Variants in CHMP1B observed in about 807,000 individuals in gnomAD.
The protein encoded by CHMP1B is VPS46 homolog B.
In CHMP1B, 5 loss-of-function variants were observed where a neutral mutation model predicts 11.5. That is an observed-to-expected ratio of 0.43 (90% CI 0.23 to 0.91). The LOEUF (loss-of-function observed/expected upper bound fraction) is 0.91, where lower values mean the gene tolerates loss of function less well. CHMP1B is among the 40% of genes least tolerant of loss of function. The pLI is 0.25. For missense variants in CHMP1B, 246 were observed against 261.2 expected, an observed-to-expected ratio of 0.94 and a Z score of 0.40; for synonymous variants, 105 against 105.7, an observed-to-expected ratio of 0.99 and a Z score of 0.04.
Position 11,852,144 on chromosome 18 carries a change from A to G in CHMP1B, c.*33A>G, listed in dbSNP as rs376211902. The G allele has an allele frequency of 1.6e-4, 249 of 1,536,246 alleles. No individual in the cohort carries two copies. The African/African-American group carries it at 3.1e-3, about 19-fold the overall frequency. On this transcript the variant is annotated 3_prime_UTR_variant, in exon 1 of 1. Coordinates refer to ENST00000526991, the MANE Select transcript of CHMP1B (RefSeq NM_020412.5). Reference sequence around the variant, plus strand: ...ACCCGCTCTGAGGTTTCCTGGCCATAGCCACCCTTTGAAATGCTCTCTGTG... The same window carrying G: ...ACCCGCTCTGAGGTTTCCTGGCCATGGCCACCCTTTGAAATGCTCTCTGTG...
Position 11,852,999 on chromosome 18 carries a change from T to C in CHMP1B, c.*888T>C, listed in dbSNP as rs561285088. ...ATTATGCTAATTAGCATGGCAGTCA[T>C]GTTACACACTCTTAACATTGCCAAA... On this transcript the variant is annotated 3_prime_UTR_variant, in exon 1 of 1. Coordinates refer to ENST00000526991, the MANE Select transcript of CHMP1B (RefSeq NM_020412.5). The C allele has an allele frequency of 1.8e-5, 3 of 167,230 alleles. No individual in the cohort carries two copies. The South Asian group carries it at 6.2e-4, about 35-fold the overall frequency. 10.4% of individuals were successfully genotyped at this position (167,230 alleles called of 1,614,324 possible). A position where few individuals can be genotyped will look rare whatever the true frequency, so the allele number is the denominator to read the frequency against.
Position 11,852,206 on chromosome 18 carries a change from C to T in CHMP1B, c.*95C>T, listed in dbSNP as rs2035890963. 2.1e-5 allele frequency: 30 copies of T among 1,396,610 alleles called. No homozygotes were observed. The highest frequency in any genetic ancestry group is 2.7e-5 in the Non-Finnish European group (28 of 1,049,918). The allele number at this position is 1,396,610 out of a possible 1,614,324, so 86.5% of individuals were successfully genotyped here. ...TACTATACCCTAGAAACTCTGAACACGCCAGAATGCTGAAATGCCCTTCTA... is the reference window on the plus strand; with the variant it reads ...TACTATACCCTAGAAACTCTGAACATGCCAGAATGCTGAAATGCCCTTCTA... On this transcript the variant is annotated 3_prime_UTR_variant, in exon 1 of 1. Transcript: ENST00000526991.
rs764172318 is a variant in CHMP1B, at chr18:11,851,507, C to T, written c.-5C>T. ...GGGCCGCCGACCCAAAGGAGCCGTC[C>T]GACTATGTCTAACATGGAGAAACAC... On this transcript the variant is annotated 5_prime_UTR_variant, in exon 1 of 1. Transcript: ENST00000526991. 16 of 1,555,824 alleles carry T rather than the reference C, an allele frequency of 1.0e-5. No homozygotes were observed. The highest frequency in any genetic ancestry group is 1.4e-5 in the Non-Finnish European group (16 of 1,154,702).
chr18:11,853,300 T>C lies in CHMP1B; in HGVS notation c.*1189T>C, dbSNP rs2035925390. The stretch of plus-strand genomic sequence containing the variant: ...GGAAGGAAGGAGAAAGCTTGAGTCT[T>C]TAAGGCTAGAGCCCAGCTGTGCTGC... On this transcript the variant is annotated 3_prime_UTR_variant, in exon 1 of 1. Transcript: ENST00000526991. 1 of 167,120 alleles carries C rather than the reference T, an allele frequency of 6.0e-6. No homozygotes were observed. Among genetic ancestry groups the C allele is most frequent in the Non-Finnish European group, 1.5e-5 (1 of 68,120 alleles). The allele number at this position is 167,120 out of a possible 1,614,324, so 10.4% of individuals were successfully genotyped here.
In CHMP1B at chr18:11,851,874, G is replaced by GT; in HGVS notation, c.366dup (p.Glu123Ter). The GT allele has an allele frequency of 6.2e-7, 1 of 1,613,926 alleles. No individual in the cohort carries two copies. Among genetic ancestry groups the GT allele is most frequent in the Non-Finnish European group, 8.5e-7 (1 of 1,179,880 alleles). On this transcript the variant is annotated frameshift_variant, in exon 1 of 1. Coordinates refer to ENST00000526991, the MANE Select transcript of CHMP1B (RefSeq NM_020412.5). LOFTEE classifies it high-confidence loss of function. The stretch of plus-strand genomic sequence containing the variant: ...CTTTGATGGACAAATTCGAGCACCA[G>GT]TTTGAGACTCTGGACGTCCAGACGC...
chr18:11,851,439 C>T lies in CHMP1B; in HGVS notation c.-73C>T, dbSNP rs2035862143. ...AAAACAAAGGAGCGGCGGCCGGGAG[C>T]GGACTTACCTTACCTTCTCTGCCTT... On this transcript the variant is annotated 5_prime_UTR_variant, in exon 1 of 1. Transcript: ENST00000526991. 10 of 1,445,500 alleles carry T rather than the reference C, an allele frequency of 6.9e-6. No homozygotes were observed. Among genetic ancestry groups the T allele is most frequent in the Non-Finnish European group, 8.2e-6 (9 of 1,102,702 alleles). The allele number at this position is 1,445,500 out of a possible 1,614,324, so 89.5% of individuals were successfully genotyped here.
rs946143491 is a variant in CHMP1B, at chr18:11,854,367, A to G, written c.*2256A>G. 2 of 167,082 alleles carry G rather than the reference A, an allele frequency of 1.2e-5. No homozygotes were observed. The highest frequency in any genetic ancestry group is 2.9e-5 in the Non-Finnish European group (2 of 68,126). The allele number at this position is 167,082 out of a possible 1,614,324, so 10.3% of individuals were successfully genotyped here. A position where few individuals can be genotyped will look rare whatever the true frequency, so the allele number is the denominator to read the frequency against. ...TTTTCAAAAGCACTACAGGCCCATG[A>G]ATTACTTCCTCACTTTTGCAGTTGA... is the stretch of plus-strand genomic sequence containing the variant. On this transcript the variant is annotated 3_prime_UTR_variant, in exon 1 of 1. Coordinates refer to ENST00000526991, the MANE Select transcript of CHMP1B (RefSeq NM_020412.5).
Position 11,853,532 on chromosome 18 carries a change from A to G in CHMP1B, c.*1421A>G, listed in dbSNP as rs2035931583. On this transcript the variant is annotated 3_prime_UTR_variant, in exon 1 of 1. Transcript: ENST00000526991. ...CCATAAGAGAATTCCATTGTTTCAG[A>G]AAATAATTATAGGGGCCCTTCCAAG... The G allele has an allele frequency of 6.0e-6, 1 of 167,108 alleles. No homozygotes were observed. The highest frequency in any genetic ancestry group is 2.1e-4 in the South Asian group (1 of 4,836). 10.4% of individuals were successfully genotyped at this position (167,108 alleles called of 1,614,324 possible).
chr18:11,851,492 C>T lies in CHMP1B; in HGVS notation c.-20C>T, dbSNP rs747266981. ...GCGCGCTTCTCAGCCGGGCCGCCGA[C>T]CCAAAGGAGCCGTCCGACTATGTCT... On this transcript the variant is annotated 5_prime_UTR_variant, in exon 1 of 1. Transcript: ENST00000526991. 3.1e-5 allele frequency: 47 copies of T among 1,526,920 alleles called. No homozygotes were observed. The highest frequency in any genetic ancestry group is 3.8e-5 in the Non-Finnish European group (43 of 1,142,412). The allele number at this position is 1,526,920 out of a possible 1,614,324, so 94.6% of individuals were successfully genotyped here.
chr18:11,851,813 C>G lies in CHMP1B; in HGVS notation c.302C>G (p.Ala101Gly). Residue 101 changes from alanine (A) to glycine (G), a missense_variant, in exon 1 of 1, where the codon GCG becomes GGG. Ala to Gly is a moderately conservative substitution (Grantham distance 60). Coordinates refer to ENST00000526991, the MANE Select transcript of CHMP1B (RefSeq NM_020412.5). ...SMAGVVKSMD[A>G]TLKTMNLEKI... ...GCTGGTGTGGTTAAGTCGATGGATGCGACATTGAAGACCATGAATCTGGAG... is the reference window on the plus strand; with the variant it reads ...GCTGGTGTGGTTAAGTCGATGGATGGGACATTGAAGACCATGAATCTGGAG... The G allele has an allele frequency of 6.2e-7, 1 of 1,613,810 alleles. No homozygotes were observed. Among genetic ancestry groups the G allele is most frequent in the Non-Finnish European group, 8.5e-7 (1 of 1,179,886 alleles).
In CHMP1B at chr18:11,852,001, C is replaced by T. The variant is rs1289732853; in HGVS notation, c.490C>T (p.Leu164Phe). Residue 164 changes from leucine to phenylalanine, a missense_variant, in exon 1 of 1, where the codon CTC (leucine) becomes TTC (phenylalanine). Physicochemically the swap from Leu to Phe is conservative, Grantham distance 22. Coordinates refer to ENST00000526991, the MANE Select transcript of CHMP1B (RefSeq NM_020412.5). ...AATGGCAGATGAGGCGGGCCTCGAC[C>T]TCAACATGGAGCTGCCGCAGGGCCA... ...QEMADEAGLD[L>F]NMELPQGQTG... is the part of the protein sequence containing the mutation. The T allele has an allele frequency of 2.5e-6, 4 of 1,613,554 alleles. No individual in the cohort carries two copies. Among genetic ancestry groups the T allele is most frequent in the South Asian group, 1.1e-5 (1 of 91,084 alleles).
In CHMP1B at chr18:11,852,971, T is replaced by C. The variant is rs2035916049; in HGVS notation, c.*860T>C. The C allele has an allele frequency of 6.0e-6, 1 of 167,102 alleles. No individual in the cohort carries two copies. Among genetic ancestry groups the C allele is most frequent in the Admixed American group, 6.5e-5 (1 of 15,286 alleles). The allele number at this position is 167,102 out of a possible 1,614,324, so 10.4% of individuals were successfully genotyped here. On this transcript the variant is annotated 3_prime_UTR_variant, in exon 1 of 1. Transcript: ENST00000526991. ...TGTTTCAACACTATTAGAAGTCTTA[T>C]AAATTATGCTAATTAGCATGGCAGT...
At position 11,851,866 on chromosome 18, in the gene CHMP1B, G is replaced by T; in HGVS notation, c.355G>T (p.Glu119Ter). Residue 119 changes from glutamate (E) to a stop codon, truncating the protein, a stop_gained, in exon 1 of 1, where the codon GAG becomes TAG. Transcript: ENST00000526991. LOFTEE classifies it high-confidence loss of function. ...EKISALMDKF[E>*]HQFETLDVQT... ...GATTTCTGCTTTGATGGACAAATTC[G>T]AGCACCAGTTTGAGACTCTGGACGT... The T allele has an allele frequency of 6.2e-7, 1 of 1,613,924 alleles. No individual in the cohort carries two copies. The highest frequency in any genetic ancestry group is 8.5e-7 in the Non-Finnish European group (1 of 1,179,892).
rs773260510 is a variant in CHMP1B, at chr18:11,851,489, C to T, written c.-23C>T. 3.3e-6 allele frequency: 5 copies of T among 1,518,360 alleles called. No homozygotes were observed. The East Asian group carries it at 9.5e-5, about 29-fold the overall frequency. 94.1% of individuals were successfully genotyped at this position (1,518,360 alleles called of 1,614,324 possible). On this transcript the variant is annotated 5_prime_UTR_variant, in exon 1 of 1. Transcript: ENST00000526991. ...TCGGCGCGCTTCTCAGCCGGGCCGCCGACCCAAAGGAGCCGTCCGACTATG... is the reference window on the plus strand; with the variant it reads ...TCGGCGCGCTTCTCAGCCGGGCCGCTGACCCAAAGGAGCCGTCCGACTATG...
Position 11,851,993 on chromosome 18 carries a change from G to T in CHMP1B, c.482G>T (p.Gly161Val). The change falls in exon 1 of 1, where the codon GGC becomes GTC. Residue 161 changes from glycine (G) to valine (V), a missense_variant. By Grantham distance (109) the Gly-to-Val change is moderately radical. Transcript: ENST00000526991. ...MLLQEMADEA[G>V]LDLNMELPQG... Reference sequence around the variant, plus strand: ...CTCCAGGAAATGGCAGATGAGGCGGGCCTCGACCTCAACATGGAGCTGCCG... The same window carrying T: ...CTCCAGGAAATGGCAGATGAGGCGGTCCTCGACCTCAACATGGAGCTGCCG... 1 of 1,613,666 alleles carries T rather than the reference G, an allele frequency of 6.2e-7. No individual in the cohort carries two copies. Among genetic ancestry groups the T allele is most frequent in the African/African-American group, 1.3e-5 (1 of 75,054 alleles).
Position 11,853,335 on chromosome 18 carries a change from TCTC to T in CHMP1B, c.*1225_*1227del, listed in dbSNP as rs1219876041. The T allele has an allele frequency of 6.0e-6, 1 of 167,128 alleles. No individual in the cohort carries two copies. The highest frequency in any genetic ancestry group is 2.4e-5 in the African/African-American group (1 of 41,462). The allele number at this position is 167,128 out of a possible 1,614,324, so 10.4% of individuals were successfully genotyped here. On this transcript the variant is annotated 3_prime_UTR_variant, in exon 1 of 1. Transcript: ENST00000526991. ...AGCCCAGCTGTGCTGCCTGCCATCT[TCTC>T]AGGAATGGCAGTGCGTATTTTCTGG...
chr18:11,852,120 C>A lies in CHMP1B; in HGVS notation c.*9C>A, dbSNP rs375387808. On this transcript the variant is annotated 3_prime_UTR_variant, in exon 1 of 1. Coordinates refer to ENST00000526991, the MANE Select transcript of CHMP1B (RefSeq NM_020412.5). ...TTCGGGATCAAGTGTGACGGCAGAA[C>A]CCGCTCTGAGGTTTCCTGGCCATAG... The A allele has an allele frequency of 1.3e-6, 2 of 1,580,380 alleles. No individual in the cohort carries two copies. The highest frequency in any genetic ancestry group is 1.7e-6 in the Non-Finnish European group (2 of 1,162,496).
rs2035894147 is a variant in CHMP1B, at chr18:11,852,291, G to A, written c.*180G>A. The A allele has an allele frequency of 1.1e-5, 8 of 730,190 alleles. No homozygotes were observed. The highest frequency in any genetic ancestry group is 1.8e-5 in the Non-Finnish European group (8 of 449,546). 45.2% of individuals were successfully genotyped at this position (730,190 alleles called of 1,614,324 possible). ...GAAATTCAGTATTTCTGCACTCTTA[G>A]CTGGATTCTAAAGTTCTGTATAGCT... On this transcript the variant is annotated 3_prime_UTR_variant, in exon 1 of 1. Coordinates refer to ENST00000526991, the MANE Select transcript of CHMP1B (RefSeq NM_020412.5).
chr18:11,854,336 A>C lies in CHMP1B; in HGVS notation c.*2225A>C, dbSNP rs552437814. ...GAATGTACATTTTTATGAGTCATAA[A>C]TATTATTTTCAAAAGCACTACAGGC... is the stretch of plus-strand genomic sequence containing the variant. On this transcript the variant is annotated 3_prime_UTR_variant, in exon 1 of 1. Transcript: ENST00000526991. 1 of 167,176 alleles carries C rather than the reference A, an allele frequency of 6.0e-6. No individual in the cohort carries two copies. The highest frequency in any genetic ancestry group is 2.1e-4 in the South Asian group (1 of 4,830). The allele number at this position is 167,176 out of a possible 1,614,324, so 10.4% of individuals were successfully genotyped here.
Sources: allele counts gnomAD v4.1 joint callset, GRCh38; gene constraint gnomAD v4.1.1; transcripts MANE v1.5; gene names NCBI Gene and HGNC (gene_info 2026-07-23, HGNC 2026-07-21).